Variants in SMPD3 observed in about 807,000 individuals in gnomAD.
SMPD3 encodes sphingomyelin phosphodiesterase 3.
In SMPD3, 21 loss-of-function variants were observed where a neutral mutation model predicts 55.7. The ratio of observed to expected loss-of-function variants is 0.38; its 90% confidence interval spans 0.27 to 0.54. The LOEUF is 0.54. Among genes scored for constraint, SMPD3 ranks in the 20% least tolerant of loss-of-function variants. SMPD3 has a pLI of 0.80. For synonymous variants in SMPD3, 457 were observed against 404.3 expected (o/e 1.13, Z -1.56); for missense variants, 842 against 899.6 (o/e 0.94, Z 0.82).
chr16:68,362,646 C>T (rs1474787433), intron 7 of SMPD3, among the ~76,000 whole-genome samples: 1 of 152,224 alleles, frequency 6.6e-6, no homozygotes, highest in Non-Finnish European at 1.5e-5. Context: ...AAGGGGCACC[C>T]GGCGAGGCAG....
chr16:68,364,647 G>T, intron 5 of SMPD3, 104 bp downstream of exon 5: 1 of 1,304,748 alleles, frequency 7.7e-7, no homozygotes, highest in Non-Finnish European at 1.1e-6. Context: ...ATGCTCTCGA[G>T]GAGCAGGAAT....
At chr16:68,381,911 C>A (rs940438434) in intron 2 of SMPD3, 1 of 151,772 alleles carries the variant, frequency 6.6e-6, no homozygotes, top group Non-Finnish European at 1.5e-5. Context: ...CCAGATCTAC[C>A]CTCCAATCCA....
intron 1 of SMPD3, among the ~76,000 whole-genome samples, chr16:68,426,504 C>A (rs1339347669): frequency 6.6e-6 from 1 of 152,162 alleles, no homozygotes; most frequent in East Asian, 1.9e-4. Context: ...TACTGCTTGG[C>A]CTCCATAAAA....
chr16:68,379,328 G>A (rs1394775807), intron 2 of SMPD3, among the ~76,000 whole-genome samples: 1 of 152,236 alleles, frequency 6.6e-6, no homozygotes, highest in African/African-American at 2.4e-5. Context: ...TATTGGACAG[G>A]CTGCTCAACT....
intron 7 of SMPD3, 42 bp from the exon 8 acceptor site, chr16:68,361,801 C>A (rs2089284521): frequency 6.2e-7 from 1 of 1,601,788 alleles, no homozygotes; most frequent in Non-Finnish European, 8.5e-7. Context: ...CCATGCCCGC[C>A]CCTGTGGGCC....
In SMPD3 at chr16:68,364,771, T is replaced by C; in HGVS notation, c.1535A>G (p.Asn512Ser). The C allele has an allele frequency of 6.2e-7, 1 of 1,613,694 alleles. No individual in the cohort carries two copies. The highest frequency in any genetic ancestry group is 2.2e-5 in the East Asian group (1 of 44,874). ...CTCACCAGAGGAGCAGTTATCAAAG[T>C]TGAAATCTCCACAGACGACGTCAAA... ...VAFDVVCGDF[N>S]FDNCSSDDKL... Residue 512 changes from asparagine (N) to serine (S), a missense_variant, in exon 5 of 9, where the codon AAC (asparagine) becomes AGC (serine). This residue lies in a region of SMPD3 where 649 missense variants were observed against 643.6 expected (regional missense o/e 1.01). Coordinates refer to ENST00000219334, the MANE Select transcript of SMPD3 (RefSeq NM_018667.4).
At chr16:68,427,514 G>T (rs371011856) in intron 1 of SMPD3, among the ~76,000 whole-genome samples, 4 of 152,224 alleles carry the variant, frequency 2.6e-5, no homozygotes, top group African/African-American at 9.6e-5. Flanking sequence ...CAATATGGTA[G>T]CCTGTAGCCA....
chr16:68,426,711 T>C (rs1463380629), intron 1 of SMPD3, among the ~76,000 whole-genome samples: 7 of 152,236 alleles, frequency 4.6e-5, no homozygotes, highest in Admixed American at 2.6e-4. Context: ...TTTCTGTCAC[T>C]GCACTCATTT....
At chr16:68,387,013 G>A (rs1011722338) in intron 1 of SMPD3, among the ~76,000 whole-genome samples, 1 of 152,198 alleles carries the variant, frequency 6.6e-6, no homozygotes, top group African/African-American at 2.4e-5. Context: ...GGGTGGGGAA[G>A]AGGTGAATTC....
intron 1 of SMPD3, among the ~76,000 whole-genome samples, chr16:68,412,366 A>G (rs1205010473): frequency 1.3e-5 from 2 of 152,238 alleles, no homozygotes; most frequent in East Asian, 1.9e-4. Context: ...AAGACCCACA[A>G]GTGACCAAAC....
intron 1 of SMPD3, among the ~76,000 whole-genome samples, chr16:68,434,322 G>A (rs2090503479): frequency 1.3e-5 from 2 of 152,208 alleles, no homozygotes; most frequent in African/African-American, 4.8e-5. Flanking sequence ...TTTGCCTCAT[G>A]TATTTCGATG....
Position 68,371,361 on chromosome 16 carries a change from C to T in SMPD3, c.821G>A (p.Gly274Asp), listed in dbSNP as rs777522273. 2.5e-6 allele frequency: 4 copies of T among 1,576,492 alleles called. No homozygotes were observed. The highest frequency in any genetic ancestry group is 1.8e-5 in the Admixed American group (1 of 56,408). Residue 274 changes from glycine to aspartate, a missense_variant, in exon 3 of 9, where the codon GGC (glycine) becomes GAC (aspartate). Transcript: ENST00000219334. Reference protein sequence around the residue: ...GGQARNGAGGGPRGQTPNHNQ... With the variant: ...GGQARNGAGGDPRGQTPNHNQ... ...ATGGTTGGGCGTCTGGCCCCTTGGGCCCCCGCCAGCTCCGTTCCTGGCCTG... is the reference window on the plus strand; with the variant it reads ...ATGGTTGGGCGTCTGGCCCCTTGGGTCCCCGCCAGCTCCGTTCCTGGCCTG...
In SMPD3 at chr16:68,447,495, G is replaced by A. The variant is rs1002121889; in HGVS notation, c.-269+858C>T. Among the ~76,000 whole-genome samples the A allele has an allele frequency of 2.6e-5, 4 of 152,094 alleles. No homozygotes were observed. The highest frequency in any genetic ancestry group is 9.7e-5 in the African/African-American group (4 of 41,406). ...AGGTAGGGAGGGCCTGGGAGATAAG[G>A]CCCAGGTGGGGAGAGGTGGGGAGGG... On this transcript the variant is annotated intron_variant, in intron 1 of 8. Coordinates refer to ENST00000219334, the MANE Select transcript of SMPD3 (RefSeq NM_018667.4). The surrounding 1 kb of genome is among the most constrained non-coding windows in gnomAD (Gnocchi z 5.1).
chr16:68,361,034 TGAGGCCCA>T lies in SMPD3; in HGVS notation c.*164_*171del, dbSNP rs1464080918. ...GCGGGCCTGACTCCTCTGTCCACAG[TGAGGCCCA>T]GAGGCGCAGAGCAGCGCAGCTTCCA... On this transcript the variant is annotated 3_prime_UTR_variant, in exon 9 of 9. Transcript: ENST00000219334. 7 of 616,650 alleles carry T rather than the reference TGAGGCCCA, an allele frequency of 1.1e-5. No individual in the cohort carries two copies. Among genetic ancestry groups the T allele is most frequent in the Non-Finnish European group, 1.4e-5 (5 of 356,736 alleles). The allele number at this position is 616,650 out of a possible 1,614,324, so 38.2% of individuals were successfully genotyped here. A position where few individuals can be genotyped will look rare whatever the true frequency, so the allele number is the denominator to read the frequency against.
chr16:68,363,034 G>A (rs894639379), intron 7 of SMPD3, among the ~76,000 whole-genome samples: 18 of 152,210 alleles, frequency 1.2e-4, no homozygotes, highest in Admixed American at 3.9e-4. Context: ...TGGCTGGGAT[G>A]GAACTGTCTC....
chr16:68,359,597 A>C lies in SMPD3; in HGVS notation c.*1609T>G, dbSNP rs1351217808. The C allele has an allele frequency of 6.5e-6, 1 of 152,746 alleles. No individual in the cohort carries two copies. Among genetic ancestry groups the C allele is most frequent in the Non-Finnish European group, 1.5e-5 (1 of 68,068 alleles). 9.5% of individuals were successfully genotyped at this position (152,746 alleles called of 1,614,324 possible). On this transcript the variant is annotated 3_prime_UTR_variant, in exon 9 of 9. Transcript: ENST00000219334. ...TCAATGGGTGACAAGGCACAGCATC[A>C]GGGCACCAGCACCAGGAGGGGCTGA... is the stretch of plus-strand genomic sequence containing the variant.
chr16:68,387,680 C>T (rs1314068051), intron 1 of SMPD3, among the ~76,000 whole-genome samples: 1 of 152,272 alleles, frequency 6.6e-6, no homozygotes, highest in African/African-American at 2.4e-5. Context: ...CCAGGGCTGT[C>T]CTTGCATGCT....
At chr16:68,416,184 A>G (rs1812026351) in intron 1 of SMPD3, among the ~76,000 whole-genome samples, 1 of 152,202 alleles carries the variant, frequency 6.6e-6, no homozygotes, top group Admixed American at 6.5e-5. Context: ...GCCCGTAATC[A>G]GGTGTGTGCC....
At chr16:68,434,912 C>T (rs2090509840) in intron 1 of SMPD3, among the ~76,000 whole-genome samples, 1 of 152,146 alleles carries the variant, frequency 6.6e-6, no homozygotes, top group Non-Finnish European at 1.5e-5. Flanking sequence ...TCTTTGTTTG[C>T]TAGCTCCAGG....
Sources: allele counts gnomAD v4.1 joint callset (sites outside exome capture counted in the v4.1 genomes callset), GRCh38; gene constraint gnomAD v4.1.1; regional missense constraint gnomAD v4.1.1; non-coding constraint Gnocchi (gnomAD v3.1); transcripts MANE v1.5; gene names NCBI Gene and HGNC (gene_info 2026-07-23, HGNC 2026-07-21).